The following GALNT2 variants were observed in gnomAD, a reference collection of about 807,000 sequenced individuals.
GALNT2 encodes polypeptide N-acetylgalactosaminyltransferase 2.
GALNT2 carries 31 observed loss-of-function variants against 81.4 expected under a neutral mutation model. The observed-to-expected ratio is 0.38, with a 90% CI of 0.29 to 0.51. GALNT2 has a LOEUF of 0.51. GALNT2 is among the 20% of genes least tolerant of loss of function. The probability of loss-of-function intolerance (pLI) is 0.87; values close to 1 mark genes in which losing one functional copy is unlikely to be tolerated. For missense variants in GALNT2, 629 were observed against 765.7 expected, an observed-to-expected ratio of 0.82 and a Z score of 2.11; for synonymous variants, 303 against 287.4, an observed-to-expected ratio of 1.05 and a Z score of -0.55.
chr1:230,090,632 G>A (rs1057407713), intron 1 of GALNT2, among the ~76,000 whole-genome samples: 25 of 152,236 alleles, frequency 1.6e-4, no homozygotes, highest in Non-Finnish European at 2.2e-4. Context: ...TCAGAACTTA[G>A]GAATGTGGTA....
intron 15 of GALNT2, among the ~76,000 whole-genome samples, chr1:230,276,578 G>A (rs947507798): frequency 6.6e-6 from 1 of 152,206 alleles, no homozygotes; most frequent in African/African-American, 2.4e-5. Flanking sequence ...CCAGTTGTCA[G>A]GGAGACGCCT....
intron 1 of GALNT2, among the ~76,000 whole-genome samples, chr1:230,120,851 C>T (rs1660995583): frequency 6.6e-6 from 1 of 152,326 alleles, no homozygotes; most frequent in South Asian, 2.1e-4. Flanking sequence ...CATGTTGGCA[C>T]TGCTTCCACC....
chr1:230,094,170 T>C (rs1368730830), intron 1 of GALNT2, among the ~76,000 whole-genome samples: 1 of 47,662 alleles, frequency 2.1e-5, no homozygotes, highest in African/African-American at 9.0e-5. Flanking sequence ...CTAATTTTTT[T>C]TTTTTTTTTT....
chr1:230,162,468 A>G lies in GALNT2; in HGVS notation c.127-15750A>G, dbSNP rs1208867462. On this transcript the variant is annotated intron_variant, in intron 1 of 15. Coordinates refer to ENST00000366672, the MANE Select transcript of GALNT2 (RefSeq NM_004481.5). ...TCCCAAAATGAAGGCCTCAGAAGCA[A>G]AAGTTTTTCACTTTCTCCTGCCCTC... 2.0e-5 allele frequency among the ~76,000 whole-genome samples: 3 copies of G among 152,162 alleles called. No homozygotes were observed. In the East Asian group the frequency reaches 5.8e-4, roughly 29 times the overall value.
In GALNT2 at chr1:230,250,580, C is replaced by T. The variant is rs568056521; in HGVS notation, c.1009+20C>T. On this transcript the variant is annotated intron_variant, in intron 10 of 15. Coordinates refer to ENST00000366672, the MANE Select transcript of GALNT2 (RefSeq NM_004481.5). ...ACCTAGGTATGTACAAGCCTCAAAT[C>T]TCAGGACAGAGAAGTGCCTCAGCTC... The T allele has an allele frequency of 7.6e-6, 12 of 1,580,988 alleles. No homozygotes were observed. The highest frequency in any genetic ancestry group is 1.0e-5 in the Non-Finnish European group (12 of 1,156,280).
intron 1 of GALNT2, among the ~76,000 whole-genome samples, chr1:230,076,168 G>A (rs1161717122): frequency 6.6e-6 from 1 of 152,136 alleles, no homozygotes; most frequent in Non-Finnish European, 1.5e-5. Context: ...GCTGCTCGAG[G>A]CAGTTTTAAT....
intron 1 of GALNT2, among the ~76,000 whole-genome samples, chr1:230,165,163 C>T (rs1662561698): frequency 1.3e-5 from 2 of 152,208 alleles, no homozygotes; most frequent in South Asian, 4.1e-4. Flanking sequence ...CATCATTCTC[C>T]ACTCTTAACA....
intron 1 of GALNT2, among the ~76,000 whole-genome samples, chr1:230,103,468 C>G (rs1161148977): frequency 6.6e-6 from 1 of 152,226 alleles, no homozygotes; most frequent in Admixed American, 6.5e-5. Context: ...ACATCTGCAA[C>G]TGTGAACAGA....
chr1:230,252,294 C>T (rs1028587270), intron 10 of GALNT2, among the ~76,000 whole-genome samples: 12 of 152,196 alleles, frequency 7.9e-5, no homozygotes, highest in Admixed American at 7.9e-4. Flanking sequence ...AGATCCAAAA[C>T]CACCTCCTCA....
chr1:230,214,581 G>A (rs572850635), intron 3 of GALNT2, among the ~76,000 whole-genome samples: 2 of 152,232 alleles, frequency 1.3e-5, no homozygotes, highest in South Asian at 4.2e-4. Flanking sequence ...CCTTCCAGCT[G>A]CCTTTTCAGA....
chr1:230,064,805 C>T (rs1659131680), upstream of GALNT2, among the ~76,000 whole-genome samples: 1 of 152,210 alleles, frequency 6.6e-6, no homozygotes, highest in South Asian at 2.1e-4. Flanking sequence ...AGCCACTATG[C>T]CCAGCCTGCC....
chr1:230,210,067 A>T (rs1291736422), intron 3 of GALNT2, among the ~76,000 whole-genome samples: 1 of 152,202 alleles, frequency 6.6e-6, no homozygotes, highest in African/African-American at 2.4e-5. Context: ...CCTTCTTTAG[A>T]GTGTGCTGCG....
At chr1:230,101,245 T>A (rs1416215796) in intron 1 of GALNT2, among the ~76,000 whole-genome samples, 1 of 152,244 alleles carries the variant, frequency 6.6e-6, no homozygotes, top group South Asian at 2.1e-4. Context: ...ATGCGTGTAT[T>A]CTACATACTC....
chr1:230,222,622 AT>A lies in GALNT2; in HGVS notation c.375-13385del, dbSNP rs543941369. On this transcript the variant is annotated intron_variant, in intron 3 of 15. Transcript: ENST00000366672. ...TCTTTTTAAACTTAGGTCATTGGAG[AT>A]TTTTTTCTCCTGACTTTATTGCTGT... Among the ~76,000 whole-genome samples the A allele has an allele frequency of 2.1e-4, 32 of 151,620 alleles. No individual in the cohort carries two copies. The East Asian group carries it at 4.3e-3, about 20-fold the overall frequency.
chr1:230,059,442 G>C (rs545784003), intron 1 of GALNT2, among the ~76,000 whole-genome samples: 1 of 152,290 alleles, frequency 6.6e-6, no homozygotes, highest in East Asian at 1.9e-4. Flanking sequence ...GTAAACACTA[G>C]AAGTCATGCA....
At chr1:230,129,666 T>C (rs1206344885) in intron 1 of GALNT2, among the ~76,000 whole-genome samples, 1 of 152,216 alleles carries the variant, frequency 6.6e-6, no homozygotes, top group African/African-American at 2.4e-5. Flanking sequence ...CAAGGGTCCT[T>C]ACTTTTTTTC....
chr1:230,150,421 G>T (rs777898953), intron 1 of GALNT2, among the ~76,000 whole-genome samples: 1 of 152,212 alleles, frequency 6.6e-6, no homozygotes. Flanking sequence ...CCTTTGAAAC[G>T]GTTTCCAACA....
intron 7 of GALNT2, 152 bp from the exon 8 acceptor site, chr1:230,245,911 T>C (rs1572132767): frequency 3.1e-6 from 2 of 643,866 alleles, no homozygotes; most frequent in Non-Finnish European, 5.7e-6. Context: ...TGGGTCTGGG[T>C]GGGGAGGCTG....
At chr1:230,142,952 A>T (rs1661795334) in intron 1 of GALNT2, among the ~76,000 whole-genome samples, 1 of 152,204 alleles carries the variant, frequency 6.6e-6, no homozygotes. Flanking sequence ...CAATTCCAGG[A>T]GAGCCATTTC....
Sources: gnomAD v4.1 joint callset for allele counts (sites outside exome capture counted in the v4.1 genomes callset) on GRCh38, gnomAD v4.1.1 for gene constraint, MANE v1.5 for transcripts, NCBI Gene and HGNC (gene_info 2026-07-23, HGNC 2026-07-21) for gene names.